ZNF236: variants seen among roughly 807,000 people sequenced by gnomAD.
ZNF236 encodes regulated by glucose.
ZNF236 carries 50 observed loss-of-function variants against 191.2 expected under a neutral mutation model. The ratio of observed to expected loss-of-function variants is 0.26; its 90% CI spans 0.21 to 0.33. The LOEUF is 0.33. Ranked by LOEUF, ZNF236 falls within the 10% of genes least tolerant of loss-of-function variation. ZNF236 has a pLI of 1.00. For missense variants in ZNF236, 1,754 were observed against 2,374.5 expected (o/e 0.74, Z 5.43); for synonymous variants, 907 against 928.8 (o/e 0.98, Z 0.43).
intron 19 of ZNF236, among the ~76,000 whole-genome samples, chr18:76,917,479 A>G (rs1286461186): frequency 1.3e-5 from 2 of 152,180 alleles, no homozygotes; most frequent in South Asian, 2.1e-4. Context: ...TTCACCTTGT[A>G]TGCCTTGTTT....
intron 19 of ZNF236, among the ~76,000 whole-genome samples, chr18:76,916,140 A>G (rs1163378318): frequency 3.9e-5 from 6 of 152,172 alleles, no homozygotes; most frequent in Non-Finnish European, 8.8e-5. Context: ...TTGGGCGCGC[A>G]TGTTGCTAGA....
At chr18:76,840,894 C>T (rs1468337384) in intron 1 of ZNF236, 1 of 150,458 alleles carries the variant, frequency 6.6e-6, no homozygotes, top group Non-Finnish European at 1.5e-5. Flanking sequence ...GATCTCGGCT[C>T]ACTGCAACCT....
chr18:76,917,502 T>C (rs1967401513), intron 19 of ZNF236, among the ~76,000 whole-genome samples: 1 of 152,196 alleles, frequency 6.6e-6, no homozygotes, highest in Non-Finnish European at 1.5e-5. Context: ...CTTGGATCAT[T>C]GTGGGGGAAA....
Position 76,908,526 on chromosome 18 carries a change from C to T in ZNF236, c.2504C>T (p.Ala835Val). The change falls in exon 14 of 31, where the codon GCA (alanine) becomes GTA (valine). Residue 835 changes from alanine to valine, a missense_variant. Ala to Val is a moderately conservative substitution (Grantham distance 64). Around this residue, in one of 5 missense-constraint regions of ZNF236, gnomAD observed 641 missense variants for 869.6 expected, o/e 0.74. Transcript: ENST00000320610. ...CAGCATGTGGTGGGCACGGAGGAAG[C>T]AGGGCTGGGCCAGCAGTTGGCAGAT... is the stretch of plus-strand genomic sequence containing the variant. ...EPQHVVGTEE[A>V]GLGQQLADQP... The T allele has an allele frequency of 6.2e-7, 1 of 1,613,154 alleles. No individual in the cohort carries two copies. Among genetic ancestry groups the T allele is most frequent in the Non-Finnish European group, 8.5e-7 (1 of 1,179,782 alleles).
At chr18:76,954,734 G>T (rs941834940) in intron 27 of ZNF236, among the ~76,000 whole-genome samples, 11 of 152,100 alleles carry the variant, frequency 7.2e-5, no homozygotes, top group Admixed American at 2.6e-4. Context: ...CCTGACACAG[G>T]TATCATATTA....
In ZNF236 at chr18:76,925,383, C is replaced by T. The variant is rs936359731; in HGVS notation, c.3856C>T (p.Pro1286Ser). ...YKPDPKKARK[P>S]MTRSSSEGLQ... ...ACCAGACCCAAAGAAGGCCAGAAAGCCTATGACTCGAAGCTCATCGGAAGG... is the reference window on the plus strand; with the variant it reads ...ACCAGACCCAAAGAAGGCCAGAAAGTCTATGACTCGAAGCTCATCGGAAGG... The change falls in exon 22 of 31, where the codon CCT (proline) becomes TCT (serine). Residue 1286 changes from proline (P) to serine (S), a missense_variant. Physicochemically the swap from Pro to Ser is moderately conservative, Grantham distance 74. Transcript: ENST00000320610. This position sits in a 1 kb window ranked among gnomAD's most constrained non-coding sequence, Gnocchi z 5.7. The T allele has an allele frequency of 7.4e-6, 12 of 1,614,156 alleles. No individual in the cohort carries two copies. In the African/African-American group the frequency reaches 1.3e-4, roughly 18 times the overall value.
intron 20 of ZNF236, among the ~76,000 whole-genome samples, chr18:76,922,859 A>T (rs945697718): frequency 6.6e-6 from 1 of 152,182 alleles, no homozygotes; most frequent in Admixed American, 6.5e-5. Flanking sequence ...TCCTGGCCCT[A>T]AGGAAATTAT....
At chr18:76,878,703 G>A (rs145013917) in intron 7 of ZNF236, among the ~76,000 whole-genome samples, 2 of 151,658 alleles carry the variant, frequency 1.3e-5, no homozygotes, top group Admixed American at 6.6e-5. Flanking sequence ...TTAGTTACTC[G>A]TACTGCACTA....
At chr18:76,909,573 G>A (rs1436040257) in intron 14 of ZNF236, among the ~76,000 whole-genome samples, 2 of 152,132 alleles carry the variant, frequency 1.3e-5, no homozygotes, top group African/African-American at 4.8e-5. Flanking sequence ...GTAAAGTTTG[G>A]CTACAAAACA....
intron 1 of ZNF236, among the ~76,000 whole-genome samples, chr18:76,841,651 G>GT (rs947183738): frequency 7.5e-4 from 109 of 145,330 alleles, no homozygotes; most frequent in African/African-American, 2.7e-3. Context: ...TTTGTCTGTC[G>GT]TTTTTACACT....
Position 76,960,619 on chromosome 18 carries a change from G to C in ZNF236, c.5243-60G>C. On this transcript the variant is annotated intron_variant, in intron 29 of 30. Transcript: ENST00000320610. The surrounding 1 kb of genome is among the most constrained non-coding windows in gnomAD (Gnocchi z 4.4). ...TCCCTCTTGTTCATACCTCAGGGTA[G>C]AGCCCAGGCATCCACTATACTTTTC... The C allele has an allele frequency of 1.3e-6, 2 of 1,594,604 alleles. No homozygotes were observed. Among genetic ancestry groups the C allele is most frequent in the Non-Finnish European group, 1.7e-6 (2 of 1,163,544 alleles).
rs1976858062 is a variant in ZNF236, at chr18:76,880,407, G to C, written c.1188+91G>C. The C allele has an allele frequency of 7.5e-7, 1 of 1,333,500 alleles. No homozygotes were observed. Among genetic ancestry groups the C allele is most frequent in the African/African-American group, 1.5e-5 (1 of 67,644 alleles). 82.6% of individuals were successfully genotyped at this position (1,333,500 alleles called of 1,614,324 possible). ...AATTGAGAATAAATCTGCAGGGCTT[G>C]TCAAAGTCAGGGTATCCTCATGAAA... On this transcript the variant is annotated intron_variant, in intron 8 of 30. Transcript: ENST00000320610. This position sits in a 1 kb window ranked among gnomAD's most constrained non-coding sequence, Gnocchi z 5.0.
intron 1 of ZNF236, among the ~76,000 whole-genome samples, chr18:76,847,829 T>C (rs1189793377): frequency 2.0e-5 from 3 of 152,220 alleles, no homozygotes. Flanking sequence ...GCTGTTAGTT[T>C]TAGTGTAGAA....
intron 14 of ZNF236, 105 bp from the exon 15 acceptor site, chr18:76,909,963 G>T: frequency 2.8e-6 from 2 of 723,772 alleles, no homozygotes; most frequent in South Asian, 1.9e-5. Flanking sequence ...TCAAAATAAG[G>T]TGTCTGATAT....
intron 26 of ZNF236, among the ~76,000 whole-genome samples, chr18:76,940,761 G>A (rs975644921): frequency 6.6e-6 from 1 of 152,204 alleles, no homozygotes; most frequent in Admixed American, 6.5e-5. Context: ...TTGCCAGGAT[G>A]TCCCATGCCT....
chr18:76,914,270 A>T (rs1967296454), intron 18 of ZNF236, among the ~76,000 whole-genome samples: 1 of 152,212 alleles, frequency 6.6e-6, no homozygotes, highest in South Asian at 2.1e-4. Flanking sequence ...GGTGGATCAG[A>T]ACCTCATTCC....
At position 76,881,516 on chromosome 18, in the gene ZNF236, AT is replaced by A; in HGVS notation, c.1417+8del. The A allele has an allele frequency of 6.2e-7, 1 of 1,607,272 alleles. No individual in the cohort carries two copies. The highest frequency in any genetic ancestry group is 8.5e-7 in the Non-Finnish European group (1 of 1,178,124). On this transcript the variant is annotated splice_donor_5th_base_variant and intron_variant, in intron 9 of 30. Transcript: ENST00000320610. ...AAGAAGTCACCGTTTCTACCTGGTA[AT>A]TTTCCTAAACTTTAAAGTTTGGACA... is the stretch of plus-strand genomic sequence containing the variant.
At position 76,941,856 on chromosome 18, in the gene ZNF236, C is replaced by CT. The variant is rs1352783893; in HGVS notation, c.4782+4519dup. Among the ~76,000 whole-genome samples the CT allele has an allele frequency of 4.6e-5, 7 of 152,188 alleles. No individual in the cohort carries two copies. The South Asian group carries it at 1.0e-3, about 23-fold the overall frequency. ...AGAAATTGTGTAGCTTTATTTGAAT[C>CT]TTTTTTCTATTAGCTGGCAAACTTA... On this transcript the variant is annotated intron_variant, in intron 26 of 30. Coordinates refer to ENST00000320610, the MANE Select transcript of ZNF236 (RefSeq NM_001306089.2).
In ZNF236 at chr18:76,927,990, A is replaced by T; in HGVS notation, c.4478A>T (p.His1493Leu). The change falls in exon 25 of 31, where the codon CAC (histidine) becomes CTC (leucine). Residue 1493 changes from histidine to leucine, a missense_variant. Physicochemically the swap from His to Leu is moderately conservative, Grantham distance 99. Transcript: ENST00000320610. This position sits in a 1 kb window ranked among gnomAD's most constrained non-coding sequence, Gnocchi z 5.4. Reference protein sequence around the residue: ...QGLVSPSGGPHEITLTINNSS... With the variant: ...QGLVSPSGGPLEITLTINNSS... ...CTAGTGTCCCCCTCCGGCGGTCCCC[A>T]CGAGATCACCCTGACCATTAACAAC... The T allele has an allele frequency of 6.2e-7, 1 of 1,613,734 alleles. No homozygotes were observed. Among genetic ancestry groups the T allele is most frequent in the Non-Finnish European group, 8.5e-7 (1 of 1,179,858 alleles).
Sources: allele counts gnomAD v4.1 joint callset (sites outside exome capture counted in the v4.1 genomes callset), GRCh38; gene constraint gnomAD v4.1.1; regional missense constraint gnomAD v4.1.1; non-coding constraint Gnocchi (gnomAD v3.1); transcripts MANE v1.5; gene names NCBI Gene and HGNC (gene_info 2026-07-23, HGNC 2026-07-21).